HEATR4: variants seen among roughly 807,000 people sequenced by gnomAD.
HEATR4 encodes the protein HEAT repeat containing 4, also known as HEAT repeat-containing protein 4.
In HEATR4, 95 loss-of-function variants were observed where a neutral mutation model predicts 108.8. The ratio of observed to expected loss-of-function variants is 0.87; its 90% CI spans 0.74 to 1.04. The LOEUF is 1.04. HEATR4 is among the 50% of genes least tolerant of loss of function. The probability of loss-of-function intolerance (pLI) is 0.00; values close to 1 mark genes in which losing one functional copy is unlikely to be tolerated. For missense variants in HEATR4, 1,152 were observed against 1,253.8 expected, an observed-to-expected ratio of 0.92 and a Z score of 1.23; for synonymous variants, 443 against 459.4, an observed-to-expected ratio of 0.96 and a Z score of 0.46.
At position 73,535,469 on chromosome 14, in the gene HEATR4, C is replaced by CTTTTTT. The variant is rs869167008; in HGVS notation, c.-151-5231_-151-5226dup. On this transcript the variant is annotated intron_variant, in intron 1 of 17. Coordinates refer to ENST00000553558, the MANE Select transcript of HEATR4 (RefSeq NM_001220484.1). Reference sequence around the variant, plus strand: ...CCTTTTTCTTTTCTTTTTCTTCTTTCTTTTTTTTTTTTTTTTTTTTTTTTT... The same window carrying CTTTTTT: ...CCTTTTTCTTTTCTTTTTCTTCTTTCTTTTTTTTTTTTTTTTTTTTTTTTTTTTTTT... 4.2e-3 allele frequency among the ~76,000 whole-genome samples: 70 copies of CTTTTTT among 16,514 alleles called. 8 individuals are homozygous for CTTTTTT. The highest frequency in any genetic ancestry group is 0.11 in the Middle Eastern group (2 of 18). The allele number at this position is 16,514 out of a possible 152,430, so 10.8% of individuals were successfully genotyped here. A position where few individuals can be genotyped will look rare whatever the true frequency, so the allele number is the denominator to read the frequency against.
At chr14:73,491,602 C>T in intron 17 of HEATR4, 1 of 1,546,968 alleles carries the variant, frequency 6.5e-7, no homozygotes, top group Non-Finnish European at 8.7e-7. Flanking sequence ...TGAACCGCAT[C>T]CCCAGCAGCC....
chr14:73,598,893 A>T, the HEATR4 span, among the ~76,000 whole-genome samples: 1 of 151,922 alleles, frequency 6.6e-6, no homozygotes, highest in Non-Finnish European at 1.5e-5. Context: ...AATCTCAGCT[A>T]CTCAGGAGGC....
chr14:73,605,112 C>A, the HEATR4 span, among the ~76,000 whole-genome samples: 33 of 151,364 alleles, frequency 2.2e-4, no homozygotes, highest in Admixed American at 2.1e-3. Context: ...AAAAAAAAAA[C>A]CTTTTTCCAG....
rs1045033983 is a variant in HEATR4, at chr14:73,478,854, C to G, written c.2845-12G>C. On this transcript the variant is annotated splice_polypyrimidine_tract_variant and intron_variant, in intron 17 of 17. Transcript: ENST00000553558. ...CGGGGCTTCACAGGCTGCAGAGAAACATGAAAACATGAGTGCATATGCCAA... is the reference window on the plus strand; with the variant it reads ...CGGGGCTTCACAGGCTGCAGAGAAAGATGAAAACATGAGTGCATATGCCAA... 3 of 1,585,642 alleles carry G rather than the reference C, an allele frequency of 1.9e-6. No homozygotes were observed. Among genetic ancestry groups the G allele is most frequent in the Non-Finnish European group, 2.6e-6 (3 of 1,163,376 alleles).
At chr14:73,572,656 T>G in the HEATR4 span, among the ~76,000 whole-genome samples, 1 of 133,098 alleles carries the variant, frequency 7.5e-6, no homozygotes, top group South Asian at 2.6e-4. Context: ...TTTTTTTTTT[T>G]TTTTTTTTTG....
chr14:73,611,746 C>G, the HEATR4 span: 53 of 152,216 alleles, frequency 3.5e-4, no homozygotes, highest in African/African-American at 1.2e-3. Flanking sequence ...CTAAAGATCA[C>G]CAGGTATTAA....
Position 73,541,672 on chromosome 14 carries a change from AACT to A in HEATR4, c.-151-11431_-151-11429del. 1.6e-6 allele frequency: 2 copies of A among 1,243,346 alleles called. 1 individual carries two copies. Among genetic ancestry groups the A allele is most frequent in the East Asian group, 1.5e-4 (2 of 12,914 alleles). 77.0% of individuals were successfully genotyped at this position (1,243,346 alleles called of 1,614,324 possible). Reference sequence around the variant, plus strand: ...TCTGGAGTACTTTGAAGAAGCTGTGAACTACTTGCTCAGTCATCCTGAGGTGAG... The same window carrying A: ...TCTGGAGTACTTTGAAGAAGCTGTGAACTTGCTCAGTCATCCTGAGGTGAG... On this transcript the variant is annotated intron_variant, in intron 1 of 17. Transcript: ENST00000553558.
the HEATR4 span, chr14:73,582,879 A>C: frequency 9.2e-5 from 14 of 151,990 alleles, no homozygotes; most frequent in Admixed American, 9.2e-4. Flanking sequence ...GTAACTTCCA[A>C]AATATTCTTT....
the HEATR4 span, among the ~76,000 whole-genome samples, chr14:73,605,338 C>G: frequency 6.6e-6 from 1 of 152,162 alleles, no homozygotes; most frequent in Non-Finnish European, 1.5e-5. Context: ...TTAACCGACT[C>G]CACCTTGCTT....
chr14:73,492,551 CCT>C lies in HEATR4; in HGVS notation c.2844+513_2844+514del. ...AGACTTCATTCACGATTCTCTGCCC[CCT>C]GTTTTGACTGATAGGGAGAGGGCAC... On this transcript the variant is annotated intron_variant, in intron 17 of 17. Coordinates refer to ENST00000553558, the MANE Select transcript of HEATR4 (RefSeq NM_001220484.1). The surrounding 1 kb of genome is among the most constrained non-coding windows in gnomAD (Gnocchi z 4.9). 1 of 1,613,870 alleles carries C rather than the reference CCT, an allele frequency of 6.2e-7. No individual in the cohort carries two copies. The highest frequency in any genetic ancestry group is 8.5e-7 in the Non-Finnish European group (1 of 1,179,842).
the HEATR4 span, among the ~76,000 whole-genome samples, chr14:73,608,521 G>C: frequency 2.6e-5 from 4 of 152,266 alleles, no homozygotes; most frequent in South Asian, 8.3e-4. Flanking sequence ...GCCATTTAAT[G>C]AGCCTCTAGG....
the HEATR4 span, chr14:73,592,365 C>A: frequency 6.3e-7 from 1 of 1,581,772 alleles, no homozygotes; most frequent in South Asian, 1.1e-5. Flanking sequence ...AGGGGTGCGG[C>A]GCCAGTCGGT....
At chr14:73,630,617 G>A in the HEATR4 span, among the ~76,000 whole-genome samples, 1 of 152,134 alleles carries the variant, frequency 6.6e-6, no homozygotes, top group Non-Finnish European at 1.5e-5. Flanking sequence ...GGGGCATGCC[G>A]GTCCCTCTTT....
chr14:73,553,632 CT>C (rs1246087686), intron 1 of HEATR4, among the ~76,000 whole-genome samples: 1 of 112,412 alleles, frequency 8.9e-6, no homozygotes. Context: ...TATTGTTTTG[CT>C]TTTTTTTTGT....
At chr14:73,509,854 A>ATATTT (rs1887114874) in intron 7 of HEATR4, among the ~76,000 whole-genome samples, 1 of 58,578 alleles carries the variant, frequency 1.7e-5, no homozygotes, top group Non-Finnish European at 3.5e-5. Context: ...ATATATATAT[A>ATATTT]TATATATATA....
At position 73,509,389 on chromosome 14, in the gene HEATR4, G is replaced by A. The variant is rs1452549601; in HGVS notation, c.1643C>T (p.Ala548Val). The stretch of plus-strand genomic sequence containing the variant: ...TATGGCATATTGGCATATTGCTGCT[G>A]CCATCCGCACATGGGCATTCTTGTC... The part of the protein sequence containing the change: ...LCDKNAHVRM[A>V]AAICQYAIQS... The change falls in exon 8 of 18, where the codon GCA (alanine) becomes GTA (valine). Residue 548 changes from alanine (A) to valine (V), a missense_variant. By Grantham distance (64) the Ala-to-Val change is moderately conservative (BLOSUM62 0). Coordinates refer to ENST00000553558, the MANE Select transcript of HEATR4 (RefSeq NM_001220484.1). 6.2e-7 allele frequency: 1 copy of A among 1,614,088 alleles called. No individual in the cohort carries two copies. The highest frequency in any genetic ancestry group is 8.5e-7 in the Non-Finnish European group (1 of 1,180,012).
chr14:73,533,669 G>A (rs1289259156), intron 1 of HEATR4, among the ~76,000 whole-genome samples: 1 of 112,932 alleles, frequency 8.9e-6, no homozygotes, highest in African/African-American at 2.9e-5. Context: ...GACAGAGCAA[G>A]ACTCCAAAAG....
the HEATR4 span, among the ~76,000 whole-genome samples, chr14:73,605,555 T>C: frequency 1.3e-4 from 15 of 116,192 alleles, no homozygotes; most frequent in Admixed American, 1.9e-4. Flanking sequence ...GCTGTAAGAT[T>C]CTTTTTTTTT....
chr14:73,519,110 C>T lies in HEATR4; in HGVS notation c.1123G>A (p.Glu375Lys). The T allele has an allele frequency of 6.2e-7, 1 of 1,613,908 alleles. No individual in the cohort carries two copies. Among genetic ancestry groups the T allele is most frequent in the Middle Eastern group, 1.6e-4 (1 of 6,062 alleles). ...IGAKRDQIVL[E>K]NLNRYNKQLS... is the part of the protein sequence containing the mutation. ...TGCTTGTTGTACCGATTTAGGTTTT[C>T]CAGGACAATCTGGTCTCTCTTTGCA... Residue 375 changes from glutamate (E) to lysine (K), a missense_variant, in exon 5 of 18, where the codon GAA becomes AAA. By Grantham distance (56) the Glu-to-Lys change is moderately conservative. Coordinates refer to ENST00000553558, the MANE Select transcript of HEATR4 (RefSeq NM_001220484.1).
Sources: allele counts gnomAD v4.1 joint callset (sites outside exome capture counted in the v4.1 genomes callset), GRCh38; gene constraint gnomAD v4.1.1; non-coding constraint Gnocchi (gnomAD v3.1); transcripts MANE v1.5; gene names NCBI Gene and HGNC (gene_info 2026-07-23, HGNC 2026-07-21).